Variants in ZSCAN5A observed in about 807,000 individuals in gnomAD.
ZSCAN5A encodes zinc finger and SCAN domain-containing protein 5A.
A neutral mutation model predicts 23.7 loss-of-function variants in ZSCAN5A; 12 were observed. The observed-to-expected ratio is 0.51, with a 90% CI of 0.32 to 0.82. ZSCAN5A has a LOEUF of 0.82. Among genes scored for constraint, ZSCAN5A ranks in the 40% least tolerant of loss-of-function variants. The pLI, the probability that ZSCAN5A is intolerant of heterozygous loss-of-function variation, is 0.03. For missense variants in ZSCAN5A, 597 were observed against 617.9 expected (o/e 0.97, Z 0.36); for synonymous variants, 257 against 239.9 (o/e 1.07, Z -0.66).
Position 56,222,010 on chromosome 19 carries a change from T to G in ZSCAN5A, c.1056A>C (p.Ala352=), listed in dbSNP as rs531722937. The G allele has an allele frequency of 1.3e-4, 202 of 1,614,182 alleles. 2 individuals carry two copies. Among genetic ancestry groups the G allele is most frequent in the South Asian group, 4.4e-4 (40 of 91,082 alleles). ...ACACGTCACATGCAAAGGGCGGCAG[T>G]GCCTTGGCTTCTTGGCCATCCGGGT... ...VSHPDGQEAK[A]LPPFACDVCE... is the part of the protein sequence containing the mutation. The change falls in exon 6 of 6, where the codon GCA becomes GCC. Residue 352 remains alanine, a synonymous_variant. Transcript: ENST00000683990.
intron 2 of ZSCAN5A, among the ~76,000 whole-genome samples, chr19:56,310,881 G>A (rs957472266): frequency 3.3e-5 from 5 of 152,164 alleles, no homozygotes; most frequent in African/African-American, 1.2e-4. Flanking sequence ...GCTTGGGGAA[G>A]GTATTGTCTC....
chr19:56,302,608 T>TTTTCTTC (rs2040401027), intron 2 of ZSCAN5A, among the ~76,000 whole-genome samples: 1 of 62,122 alleles, frequency 1.6e-5, no homozygotes. Flanking sequence ...CTCTTCTTCC[T>TTTTCTTC]CTCCCTCTTC....
At position 56,352,550 on chromosome 19, in the gene ZSCAN5A, A is replaced by C. The variant is rs1416801802; in HGVS notation, c.-358+10685T>G. 2.6e-5 allele frequency among the ~76,000 whole-genome samples: 4 copies of C among 152,238 alleles called. No homozygotes were observed. Among genetic ancestry groups the C allele is most frequent in the Non-Finnish European group, 5.9e-5 (4 of 68,044 alleles). On this transcript the variant is annotated intron_variant, in intron 2 of 6. Coordinates refer to the ZSCAN5A transcript ENST00000587340. The surrounding 1 kb of genome is among the most constrained non-coding windows in gnomAD (Gnocchi z 4.2). The stretch of plus-strand genomic sequence containing the variant: ...GGTAAATGGTGAGGAAGAATATTCA[A>C]GACAATTGCAACAGGGGAGAGAGAC...
At chr19:56,364,058 T>G (rs1425223887) in intron 1 of ZSCAN5A, among the ~76,000 whole-genome samples, 3 of 152,114 alleles carry the variant, frequency 2.0e-5, no homozygotes, top group African/African-American at 7.2e-5. Flanking sequence ...TCAAAGGCAT[T>G]TCAGAGACCT....
chr19:56,244,152 A>G, intron 2 of ZSCAN5A: 1 of 1,605,328 alleles, frequency 6.2e-7, no homozygotes, highest in Non-Finnish European at 8.5e-7. Context: ...GGAAATCATG[A>G]CTGGGACCCT....
rs947045129 is a variant in ZSCAN5A, at chr19:56,244,495, C to G, written c.-127-19322G>C. 14 of 1,494,516 alleles carry G rather than the reference C, an allele frequency of 9.4e-6. No individual in the cohort carries two copies. In the Admixed American group the frequency reaches 3.1e-4, roughly 33 times the overall value. 92.6% of individuals were successfully genotyped at this position (1,494,516 alleles called of 1,614,324 possible). On this transcript the variant is annotated intron_variant, in intron 2 of 5. Transcript: ENST00000683990. ...ATGGGGGCTGCACGGTGCAGCTGGA[C>G]TCGAGAGGACCCGAGGGGCTGCTCT...
At chr19:56,276,684 C>T (rs529806749) in intron 2 of ZSCAN5A, among the ~76,000 whole-genome samples, 19 of 151,892 alleles carry the variant, frequency 1.3e-4, no homozygotes, top group East Asian at 9.7e-4. Flanking sequence ...CTACAGGCTG[C>T]GCGCCACCAT....
Position 56,265,383 on chromosome 19 carries a change from G to A in ZSCAN5A, c.-127-40210C>T, listed in dbSNP as rs115659241. Among the ~76,000 whole-genome samples the A allele has an allele frequency of 8.6e-3, 1,274 of 148,744 alleles. 20 individuals are homozygous for A. The highest frequency in any genetic ancestry group is 0.03 in the African/African-American group (1,193 of 40,056). ...TAGTATGCACCTATACTCTATGTAA[G>A]TGGTTAAAGCTGTAAGCAAGCAGTA... On this transcript the variant is annotated intron_variant, in intron 2 of 5. Transcript: ENST00000683990.
At chr19:56,235,996 G>A (rs1318734352) in intron 2 of ZSCAN5A, among the ~76,000 whole-genome samples, 7 of 64,306 alleles carry the variant, frequency 1.1e-4, no homozygotes, top group Admixed American at 1.5e-4. Context: ...CTCCACTCCA[G>A]CCTCTGATTG....
At chr19:56,253,374 T>C (rs2036487863) in intron 2 of ZSCAN5A, among the ~76,000 whole-genome samples, 1 of 151,812 alleles carries the variant, frequency 6.6e-6, no homozygotes, top group Admixed American at 6.6e-5. Context: ...GAGAAATTTG[T>C]GGACCCCAAG....
chr19:56,285,071 G>GC (rs1399379601), intron 2 of ZSCAN5A: 23 of 951,734 alleles, frequency 2.4e-5, no homozygotes, highest in Non-Finnish European at 2.8e-5. Context: ...TCTCTTGTCC[G>GC]CAAGGTAATG....
At chr19:56,301,863 A>C in intron 2 of ZSCAN5A, 6 of 1,207,518 alleles carry the variant, frequency 5.0e-6, no homozygotes, top group African/African-American at 1.6e-5. Context: ...GGAGGCAGGC[A>C]GAGATGTGAG....
At chr19:56,322,269 CT>C in intron 2 of ZSCAN5A, 2 of 1,142,180 alleles carry the variant, frequency 1.8e-6, no homozygotes, top group African/African-American at 1.5e-5. Context: ...AGAGCACCTC[CT>C]TCAACAAGAA....
chr19:56,291,123 C>T (rs1290038638), intron 2 of ZSCAN5A, among the ~76,000 whole-genome samples: 1 of 152,140 alleles, frequency 6.6e-6, no homozygotes, highest in South Asian at 2.1e-4. Flanking sequence ...ATCACGTCCC[C>T]GAGCTCACAG....
chr19:56,312,827 C>T (rs557899109), intron 2 of ZSCAN5A, among the ~76,000 whole-genome samples: 1 of 152,346 alleles, frequency 6.6e-6, no homozygotes, highest in South Asian at 2.1e-4. Flanking sequence ...GTCCCCATGT[C>T]CTCCTCTGTT....
intron 2 of ZSCAN5A, among the ~76,000 whole-genome samples, chr19:56,320,471 A>C (rs1421958503): frequency 1.3e-5 from 2 of 152,106 alleles, no homozygotes; most frequent in Non-Finnish European, 2.9e-5. Context: ...ATCTCTACTA[A>C]AAATACAAAA....
In ZSCAN5A at chr19:56,245,819, T is replaced by C. The variant is rs145432106; in HGVS notation, c.-127-20646A>G. On this transcript the variant is annotated intron_variant, in intron 2 of 5. Coordinates refer to ENST00000683990, the MANE Select transcript of ZSCAN5A (RefSeq NM_001322064.3). Reference sequence around the variant, plus strand: ...GGAGTGTTTCTCAACTGGGGTGATTTTGCCTTTCAGGACACATGGCCATGT... The same window carrying C: ...GGAGTGTTTCTCAACTGGGGTGATTCTGCCTTTCAGGACACATGGCCATGT... Among the ~76,000 whole-genome samples the C allele has an allele frequency of 5.2e-3, 793 of 152,300 alleles. 9 individuals are homozygous for C. Among genetic ancestry groups the C allele is most frequent in the African/African-American group, 0.018 (731 of 41,566 alleles).
At chr19:56,256,903 A>G (rs1025203388) in intron 2 of ZSCAN5A, among the ~76,000 whole-genome samples, 13 of 149,612 alleles carry the variant, frequency 8.7e-5, no homozygotes, top group Non-Finnish European at 1.6e-4. Context: ...GATAGTGGTG[A>G]AAAAAAAAAG....
At chr19:56,360,093 G>A (rs1337319663) in intron 2 of ZSCAN5A, among the ~76,000 whole-genome samples, 1 of 152,150 alleles carries the variant, frequency 6.6e-6, no homozygotes, top group Non-Finnish European at 1.5e-5. Context: ...GCAAGACAAA[G>A]AAATAAAGGG....
Sources: allele counts gnomAD v4.1 joint callset (sites outside exome capture counted in the v4.1 genomes callset), GRCh38; gene constraint gnomAD v4.1.1; non-coding constraint Gnocchi (gnomAD v3.1); transcripts MANE v1.5; gene names NCBI Gene and HGNC (gene_info 2026-07-23, HGNC 2026-07-21).